TMPRSS11A: variants seen among roughly 807,000 people sequenced by gnomAD.
The protein encoded by TMPRSS11A is transmembrane serine protease 11A.
In TMPRSS11A, 53 loss-of-function variants were observed where a neutral mutation model predicts 58.9. That is an observed-to-expected ratio of 0.90 (90% CI 0.72 to 1.13). The LOEUF is 1.13. Among genes scored for constraint, TMPRSS11A ranks in the 50% most tolerant of loss-of-function variants. The pLI is 0.00. For missense variants in TMPRSS11A, 493 were observed against 499.3 expected (o/e 0.99, Z 0.12); for synonymous variants, 167 against 169.8 (o/e 0.98, Z 0.13).
intron 1 of TMPRSS11A, among the ~76,000 whole-genome samples, chr4:67,952,525 GGC>G (rs1418245914): frequency 6.6e-6 from 1 of 152,072 alleles, no homozygotes; most frequent in East Asian, 1.9e-4. Context: ...CCTTTCCACT[GGC>G]TTTAAATTCT....
intron 3 of TMPRSS11A, among the ~76,000 whole-genome samples, chr4:67,934,137 C>T (rs533026992): frequency 6.6e-6 from 1 of 152,110 alleles, no homozygotes; most frequent in South Asian, 2.1e-4. Context: ...TTCTAGGACT[C>T]TCTCTCTAGA....
At chr4:67,955,052 T>C (rs1341404543) in intron 1 of TMPRSS11A, among the ~76,000 whole-genome samples, 1 of 152,194 alleles carries the variant, frequency 6.6e-6, no homozygotes, top group African/African-American at 2.4e-5. Context: ...ACATTTTGTA[T>C]GTAATTTTGA....
chr4:67,923,729 C>T (rs1250566261), intron 6 of TMPRSS11A, among the ~76,000 whole-genome samples: 4 of 152,138 alleles, frequency 2.6e-5, no homozygotes, highest in African/African-American at 4.8e-5. Flanking sequence ...AGGCTGGTCT[C>T]GAACTCCTGA....
intron 9 of TMPRSS11A, among the ~76,000 whole-genome samples, chr4:67,913,109 C>A (rs1720030619): frequency 6.6e-6 from 1 of 152,192 alleles, no homozygotes; most frequent in South Asian, 2.1e-4. Context: ...GTGATTCTTA[C>A]TGTTTGGTTC....
chr4:67,944,623 A>T lies in TMPRSS11A; in HGVS notation c.148T>A (p.Tyr50Asn). 6.2e-7 allele frequency: 1 copy of T among 1,611,236 alleles called. No individual in the cohort carries two copies. The highest frequency in any genetic ancestry group is 1.3e-5 in the African/African-American group (1 of 74,810). ...HFLVFDQKKE[Y>N]YHGSFKILDP... is the part of the protein sequence containing the mutation. ...AAAATTTTAAAGGAGCCATGATAGT[A>T]CTCCTTTTTTTGGTCTGCAATGGAA... The change falls in exon 3 of 10, where the codon TAC (tyrosine) becomes AAC (asparagine). Residue 50 changes from tyrosine to asparagine, a missense_variant. Tyr to Asn is a moderately radical substitution (Grantham distance 143). Coordinates refer to ENST00000508048, the MANE Select transcript of TMPRSS11A (RefSeq NM_001114387.2).
intron 1 of TMPRSS11A, among the ~76,000 whole-genome samples, chr4:67,951,606 T>C (rs533351489): frequency 1.3e-5 from 2 of 151,918 alleles, no homozygotes; most frequent in East Asian, 3.9e-4. Context: ...TTTTTTGCTT[T>C]CTTGTACATA....
intron 3 of TMPRSS11A, among the ~76,000 whole-genome samples, chr4:67,936,468 A>C (rs1272973652): frequency 6.6e-6 from 1 of 151,964 alleles, no homozygotes; most frequent in Admixed American, 6.6e-5. Flanking sequence ...CCTAACTGCC[A>C]CATCTTTAAG....
At chr4:67,917,368 A>C (rs1335891813) in intron 8 of TMPRSS11A, among the ~76,000 whole-genome samples, 4 of 152,020 alleles carry the variant, frequency 2.6e-5, no homozygotes, top group Non-Finnish European at 5.9e-5. Context: ...CTTTATTTAC[A>C]TATGTTTTTT....
At chr4:67,920,176 G>A (rs559469884) in intron 7 of TMPRSS11A, among the ~76,000 whole-genome samples, 10 of 152,030 alleles carry the variant, frequency 6.6e-5, no homozygotes, top group African/African-American at 2.2e-4. Flanking sequence ...TACAGGAATC[G>A]GAAAAATCAT....
chr4:67,915,818 G>C lies in TMPRSS11A; in HGVS notation c.953-1088C>G, dbSNP rs1720129360. Among the ~76,000 whole-genome samples, 4 of 152,310 alleles carry C rather than the reference G, an allele frequency of 2.6e-5. No individual in the cohort carries two copies. In the South Asian group the frequency reaches 8.3e-4, roughly 32 times the overall value. On this transcript the variant is annotated intron_variant, in intron 8 of 9. Coordinates refer to ENST00000508048, the MANE Select transcript of TMPRSS11A (RefSeq NM_001114387.2). ...TGATTACAGTTTGGTGAGACCCTGAGAAGAGGACTCAACTAAGCTGTGTCT... is the reference window on the plus strand; with the variant it reads ...TGATTACAGTTTGGTGAGACCCTGACAAGAGGACTCAACTAAGCTGTGTCT...
At chr4:67,941,124 A>T (rs1362159115) in intron 3 of TMPRSS11A, among the ~76,000 whole-genome samples, 1 of 152,184 alleles carries the variant, frequency 6.6e-6, no homozygotes, top group East Asian at 1.9e-4. Context: ...CTAAATATGA[A>T]CTCATTTTAC....
chr4:67,918,866 T>C, intron 8 of TMPRSS11A, 107 bp downstream of exon 8: 1 of 1,306,644 alleles, frequency 7.7e-7, no homozygotes, highest in Non-Finnish European at 1.1e-6. Flanking sequence ...CCCTAACTAA[T>C]CCAACCAGAC....
At chr4:67,944,968 T>C (rs1720967627) in intron 2 of TMPRSS11A, among the ~76,000 whole-genome samples, 1 of 152,198 alleles carries the variant, frequency 6.6e-6, no homozygotes, top group African/African-American at 2.4e-5. Flanking sequence ...AACTAGTAGG[T>C]GGCCTGTCCA....
chr4:67,914,452 C>T, intron 9 of TMPRSS11A, 136 bp downstream of exon 9: 1 of 703,018 alleles, frequency 1.4e-6, no homozygotes, highest in Non-Finnish European at 2.4e-6. Flanking sequence ...GTATTTTGTG[C>T]TGTGAAATTT....
chr4:67,922,658 C>A, intron 7 of TMPRSS11A, 97 bp downstream of exon 7: 1 of 1,191,566 alleles, frequency 8.4e-7, no homozygotes, highest in Admixed American at 2.5e-5. Flanking sequence ...TCTTATTTTA[C>A]TTCAGTAATA....
chr4:67,922,661 C>T, intron 7 of TMPRSS11A, 94 bp downstream of exon 7: 1 of 1,210,274 alleles, frequency 8.3e-7, no homozygotes, highest in South Asian at 1.7e-5. Context: ...TATTTTACTT[C>T]AGTAATATTT....
At chr4:67,953,537 G>A (rs954400234) in intron 1 of TMPRSS11A, among the ~76,000 whole-genome samples, 4 of 152,156 alleles carry the variant, frequency 2.6e-5, no homozygotes, top group Admixed American at 6.5e-5. Context: ...GGTGGCTCAC[G>A]CCTGTAATCC....
At chr4:67,938,927 G>T (rs1257873249) in intron 3 of TMPRSS11A, among the ~76,000 whole-genome samples, 1 of 150,486 alleles carries the variant, frequency 6.6e-6, no homozygotes, top group Non-Finnish European at 1.5e-5. Context: ...ATTTACAAAA[G>T]CTTTTTCTAA....
At chr4:67,937,196 C>A (rs1381464262) in intron 3 of TMPRSS11A, among the ~76,000 whole-genome samples, 1 of 152,086 alleles carries the variant, frequency 6.6e-6, no homozygotes, top group Non-Finnish European at 1.5e-5. Flanking sequence ...CTTCTTTTCT[C>A]AAAAACTTCC....
Sources: gnomAD v4.1 joint callset for allele counts (sites outside exome capture counted in the v4.1 genomes callset) on GRCh38, gnomAD v4.1.1 for gene constraint, MANE v1.5 for transcripts, NCBI Gene and HGNC (gene_info 2026-07-23, HGNC 2026-07-21) for gene names.